The following NELFA variants were observed in gnomAD, a reference collection of about 807,000 sequenced individuals.
The protein encoded by NELFA is negative elongation factor complex member A, also known as negative elongation factor A.
NELFA carries 35 observed loss-of-function variants against 51.8 expected under a neutral mutation model. The ratio of observed to expected loss-of-function variants is 0.68; its 90% CI spans 0.52 to 0.90. The LOEUF is 0.90. NELFA is among the 40% of genes least tolerant of loss of function. The pLI is 0.00. For synonymous variants in NELFA, 417 were observed against 338.4 expected (o/e 1.23, Z -2.55); for missense variants, 658 against 746.4 (o/e 0.88, Z 1.38).
intron 1 of NELFA, among the ~76,000 whole-genome samples, chr4:1,996,217 T>A: frequency 6.6e-6 from 1 of 152,146 alleles, no homozygotes; most frequent in Non-Finnish European, 1.5e-5. Context: ...AGCTAGAAAT[T>A]AATAATAAAA....
Position 2,008,439 on chromosome 4 carries a change from G to A in NELFA, c.210+311C>T, listed in dbSNP as rs1239280317. ...AGGGGTGAGGACGAAAAGTAGGGAG[G>A]TGAGGACCCTAGTGGGGGATTCCCA... On this transcript the variant is annotated intron_variant, in intron 1 of 10. Transcript: ENST00000382882. 1.4e-4 allele frequency among the ~76,000 whole-genome samples: 21 copies of A among 150,324 alleles called. 5 individuals are homozygous for A. The highest frequency in any genetic ancestry group is 5.9e-4 in the East Asian group (3 of 5,096).
intron 1 of NELFA, among the ~76,000 whole-genome samples, chr4:2,002,226 AAG>A (rs1215122166): frequency 6.6e-6 from 1 of 152,116 alleles, no homozygotes; most frequent in African/African-American, 2.4e-5. Context: ...AACAGAAAAT[AAG>A]AGAGTACACA....
intron 1 of NELFA, chr4:2,008,164 G>A (rs909200871): frequency 1.3e-4 from 52 of 396,784 alleles, no homozygotes; most frequent in African/African-American, 9.2e-4. Flanking sequence ...CAGGTCACCA[G>A]GGCTGCGTCC....
chr4:1,997,587 A>G (rs777533350), intron 1 of NELFA, among the ~76,000 whole-genome samples: 13 of 152,388 alleles, frequency 8.5e-5, no homozygotes, highest in East Asian at 1.9e-4. Flanking sequence ...TAGGATCGCT[A>G]TATCAAAAAG....
At chr4:1,993,795 CTTTTTTT>C (rs1202916976) in intron 1 of NELFA, among the ~76,000 whole-genome samples, 2 of 118,944 alleles carry the variant, frequency 1.7e-5, no homozygotes, top group Non-Finnish European at 3.5e-5. Context: ...TCCCCTGGGC[CTTTTTTT>C]TTTTTTTTTT....
chr4:1,986,232 C>A, intron 5 of NELFA, 40 bp downstream of exon 5: 75 of 1,563,978 alleles, frequency 4.8e-5, no homozygotes, highest in Non-Finnish European at 6.5e-5. Flanking sequence ...CAGGGCGCAA[C>A]GGGCCCCGGG....
rs991482806 is a variant in NELFA at position 1,983,213 on chromosome 4, C to T, written c.*106G>A. On this transcript the variant is annotated 3_prime_UTR_variant, in exon 11 of 11. Coordinates refer to ENST00000382882, the MANE Select transcript of NELFA (RefSeq NM_005663.5). ...GCTGGGTCAGCAGCAGGGCGGCGGCCGGGGGACCTCGGGGGCCAGGTGTCC... is the reference window on the plus strand; with the variant it reads ...GCTGGGTCAGCAGCAGGGCGGCGGCTGGGGGACCTCGGGGGCCAGGTGTCC... The T allele has an allele frequency of 3.3e-5, 40 of 1,204,068 alleles. No individual in the cohort carries two copies. The highest frequency in any genetic ancestry group is 1.8e-4 in the African/African-American group (12 of 66,202). The allele number at this position is 1,204,068 out of a possible 1,614,324, so 74.6% of individuals were successfully genotyped here. A position where few individuals can be genotyped will look rare whatever the true frequency, so the allele number is the denominator to read the frequency against.
chr4:1,985,953 G>T (rs1225175282), intron 6 of NELFA, 89 bp from the exon 7 acceptor site: 5 of 1,364,780 alleles, frequency 3.7e-6, no homozygotes, highest in East Asian at 2.5e-5. Flanking sequence ...CAGCTTCCCA[G>T]GGGAGGCCAC....
Position 1,991,430 on chromosome 4 carries a change from C to T in NELFA, c.382+114G>A, listed in dbSNP as rs952825478. 1.1e-5 allele frequency: 12 copies of T among 1,082,416 alleles called. No individual in the cohort carries two copies. The African/African-American group carries it at 1.7e-4, about 15-fold the overall frequency. The allele number at this position is 1,082,416 out of a possible 1,614,324, so 67.1% of individuals were successfully genotyped here. A position where few individuals can be genotyped will look rare whatever the true frequency, so the allele number is the denominator to read the frequency against. ...GCATATACAGTTAATATTCTAGGGA[C>T]CAGGACACACGGAAAAACGTAAAGG... On this transcript the variant is annotated intron_variant, in intron 2 of 10. Coordinates refer to ENST00000382882, the MANE Select transcript of NELFA (RefSeq NM_005663.5).
intron 4 of NELFA, 186 bp from the exon 5 acceptor site, chr4:1,986,588 G>T: frequency 1.2e-6 from 1 of 845,868 alleles, no homozygotes; most frequent in Non-Finnish European, 1.8e-6. Context: ...CTGGAGCCAC[G>T]ACCTCACACT....
chr4:1,987,025 G>A (rs1417561632), intron 4 of NELFA, among the ~76,000 whole-genome samples: 1 of 152,154 alleles, frequency 6.6e-6, no homozygotes, highest in African/African-American at 2.4e-5. Flanking sequence ...GCTCCAGGCG[G>A]GGTAGAGGAG....
chr4:2,000,673 G>A (rs977187290), intron 1 of NELFA, among the ~76,000 whole-genome samples: 1 of 152,106 alleles, frequency 6.6e-6, no homozygotes, highest in Admixed American at 6.6e-5. Context: ...CCAACCAAAA[G>A]AAGCCCAGGA....
chr4:2,000,410 GAAGA>G (rs1340961761), intron 1 of NELFA, among the ~76,000 whole-genome samples: 1 of 151,862 alleles, frequency 6.6e-6, no homozygotes, highest in Non-Finnish European at 1.5e-5. Context: ...GACTAATAAA[GAAGA>G]GAGAGAAGAA....
At chr4:2,001,297 G>A (rs1728560164) in intron 1 of NELFA, among the ~76,000 whole-genome samples, 1 of 152,116 alleles carries the variant, frequency 6.6e-6, no homozygotes, top group Non-Finnish European at 1.5e-5. Flanking sequence ...TTCTGGCCAG[G>A]GCAATTAGGC....
In NELFA at chr4:1,983,399, C is replaced by T. The variant is rs1426626443; in HGVS notation, c.1507G>A (p.Asp503Asn). The T allele has an allele frequency of 1.9e-6, 3 of 1,614,216 alleles. No individual in the cohort carries two copies. The highest frequency in any genetic ancestry group is 2.5e-6 in the Non-Finnish European group (3 of 1,180,026). Reference sequence around the variant, plus strand: ...GCATAGTTCATCTCAAACACTGTGTCCACCAGCATGGTTGTGCTACCCTGG... The same window carrying T: ...GCATAGTTCATCTCAAACACTGTGTTCACCAGCATGGTTGTGCTACCCTGG... ...DGQGSTTMLVDTVFEMNYATG... is the reference protein window; with the variant it reads ...DGQGSTTMLVNTVFEMNYATG... The change falls in exon 11 of 11, where the codon GAC (aspartate) becomes AAC (asparagine). Residue 503 changes from aspartate (D) to asparagine (N), a missense_variant. By Grantham distance (23) the Asp-to-Asn change is conservative. Transcript: ENST00000382882.
chr4:1,986,956 G>A (rs1728123302), intron 4 of NELFA, among the ~76,000 whole-genome samples: 1 of 152,116 alleles, frequency 6.6e-6, no homozygotes, highest in African/African-American at 2.4e-5. Flanking sequence ...ACCCTCCCTG[G>A]GCCAGCAGGT....
At chr4:1,995,448 TGAAG>T (rs1191141258) in intron 1 of NELFA, among the ~76,000 whole-genome samples, 8 of 152,172 alleles carry the variant, frequency 5.3e-5, no homozygotes, top group South Asian at 2.1e-4. Context: ...CCTAAATAAA[TGAAG>T]GAAGAAAACT....
intron 8 of NELFA, 94 bp downstream of exon 8, chr4:1,984,714 A>G: frequency 2.5e-6 from 2 of 810,836 alleles, no homozygotes; most frequent in South Asian, 1.7e-5. Context: ...ACAGAGATGC[A>G]GGAGTGAGAA....
intron 1 of NELFA, among the ~76,000 whole-genome samples, chr4:2,008,252 G>T (rs1297622397): frequency 1.3e-5 from 2 of 152,134 alleles, no homozygotes; most frequent in Admixed American, 1.3e-4. Flanking sequence ...TCGGCACGGT[G>T]GGGGATTAGG....
Sources: allele counts gnomAD v4.1 joint callset (sites outside exome capture counted in the v4.1 genomes callset), GRCh38; gene constraint gnomAD v4.1.1; transcripts MANE v1.5; gene names NCBI Gene and HGNC (gene_info 2026-07-23, HGNC 2026-07-21).